DOCK1: variants seen among roughly 807,000 people sequenced by gnomAD.
The protein encoded by DOCK1 is dedicator of cytokinesis 1, also known as dedicator of cytokinesis protein 1.
In DOCK1, 138 loss-of-function variants were observed where a neutral mutation model predicts 262.7. That is an observed-to-expected ratio of 0.53 (90% confidence interval 0.46 to 0.61). DOCK1 has a LOEUF of 0.61. Among genes scored for constraint, DOCK1 ranks in the 20% least tolerant of loss-of-function variants. The pLI is 0.00. For missense variants in DOCK1, 1,908 were observed against 2,370.7 expected (o/e 0.80, Z 4.05); for synonymous variants, 866 against 867.4 (o/e 1.00, Z 0.03).
At chr10:127,440,597 G>T (rs1384265455) in intron 49 of DOCK1, among the ~76,000 whole-genome samples, 1 of 152,204 alleles carries the variant, frequency 6.6e-6, no homozygotes, top group Non-Finnish European at 1.5e-5. Context: ...ATACTGCACT[G>T]CTTGTTTATA....
At chr10:127,367,328 A>G (rs1215996379) in intron 33 of DOCK1, among the ~76,000 whole-genome samples, 2 of 152,074 alleles carry the variant, frequency 1.3e-5, no homozygotes, top group African/African-American at 4.8e-5. Flanking sequence ...TTCCTTCGGA[A>G]TAGGCTCAGC....
At chr10:127,345,958 C>T (rs2063615472) in intron 31 of DOCK1, among the ~76,000 whole-genome samples, 1 of 152,224 alleles carries the variant, frequency 6.6e-6, no homozygotes. Context: ...GCACAACGCA[C>T]TTCAACGCAC....
At position 127,175,391 on chromosome 10, in the gene DOCK1, A is replaced by C. The variant is rs1174920244; in HGVS notation, c.2847+47627A>C. On this transcript the variant is annotated intron_variant, in intron 27 of 51. Transcript: ENST00000623213. This position sits in a 1 kb window ranked among gnomAD's most constrained non-coding sequence, Gnocchi z 6.3. The stretch of plus-strand genomic sequence containing the variant: ...CACCTGCAGCAACCGCTGTGGGACT[A>C]GGCTGGTTCCCCAGCCCCGGCGGGG... The C allele has an allele frequency of 6.2e-7, 1 of 1,613,876 alleles. No individual in the cohort carries two copies. Among genetic ancestry groups the C allele is most frequent in the Admixed American group, 1.7e-5 (1 of 60,024 alleles).
At chr10:127,444,043 G>C in intron 49 of DOCK1, 83 bp from the exon 50 acceptor site, 2 of 1,515,696 alleles carry the variant, frequency 1.3e-6, no homozygotes. Flanking sequence ...TGGGGGTCAG[G>C]ACTTCAACAT....
intron 6 of DOCK1, among the ~76,000 whole-genome samples, chr10:126,992,460 A>G (rs1190483896): frequency 2.6e-5 from 4 of 152,190 alleles, no homozygotes; most frequent in Non-Finnish European, 5.9e-5. Context: ...CGCTCTGCAT[A>G]TATCTTCCTA....
Position 127,376,982 on chromosome 10 carries a change from A to G in DOCK1, c.3675+2768A>G, listed in dbSNP as rs1381978197. Among the ~76,000 whole-genome samples, 7 of 152,338 alleles carry G rather than the reference A, an allele frequency of 4.6e-5. No homozygotes were observed. In the East Asian group the frequency reaches 1.4e-3, roughly 29 times the overall value. On this transcript the variant is annotated intron_variant, in intron 35 of 51. Transcript: ENST00000623213. ...TAATTCAGAGCCAGACTCAGTGCCCACGTACTTTTACTGTGGTCAGCACTT... is the reference window on the plus strand; with the variant it reads ...TAATTCAGAGCCAGACTCAGTGCCCGCGTACTTTTACTGTGGTCAGCACTT...
rs2030552288 is a variant in DOCK1 at position 126,905,498 on chromosome 10, G to A, written c.-20G>A. The A allele has an allele frequency of 1.9e-6, 1 of 535,584 alleles. No individual in the cohort carries two copies. The highest frequency in any genetic ancestry group is 2.2e-5 in the South Asian group (1 of 45,294). The allele number at this position is 535,584 out of a possible 1,614,324, so 33.2% of individuals were successfully genotyped here. A position where few individuals can be genotyped will look rare whatever the true frequency, so the allele number is the denominator to read the frequency against. ...AGACGCGGAGTTTCCTGCCCGACCC[G>A]CGGCGGCTCCGGCGGCGCCATGACG... On this transcript the variant is annotated 5_prime_UTR_variant, in exon 1 of 52. Transcript: ENST00000623213.
intron 38 of DOCK1, among the ~76,000 whole-genome samples, chr10:127,388,922 A>G (rs988183715): frequency 1.3e-5 from 2 of 152,242 alleles, no homozygotes; most frequent in African/African-American, 4.8e-5. Context: ...AAGTTCATCT[A>G]GAAATCCCCT....
At chr10:127,252,198 C>T (rs1329319424) in intron 28 of DOCK1, among the ~76,000 whole-genome samples, 2 of 134,370 alleles carry the variant, frequency 1.5e-5, no homozygotes, top group African/African-American at 2.5e-5. Context: ...TGAGAAGTGT[C>T]TGTTCATGTC....
At chr10:127,206,350 G>T (rs2057723279) in intron 27 of DOCK1, among the ~76,000 whole-genome samples, 1 of 151,996 alleles carries the variant, frequency 6.6e-6, no homozygotes, top group South Asian at 2.1e-4. Flanking sequence ...TGCCATGTTG[G>T]CCAGGCTGGT....
intron 1 of DOCK1, among the ~76,000 whole-genome samples, chr10:126,931,892 G>C (rs2034218071): frequency 6.6e-6 from 1 of 152,146 alleles, no homozygotes; most frequent in South Asian, 2.1e-4. Flanking sequence ...TATTAGCCCA[G>C]CCAGCTCAAA....
chr10:127,330,810 A>G (rs2062944333), intron 29 of DOCK1, among the ~76,000 whole-genome samples: 1 of 152,216 alleles, frequency 6.6e-6, no homozygotes, highest in Non-Finnish European at 1.5e-5. Context: ...CATGAATATT[A>G]ATGAAGGAGA....
At chr10:127,218,255 T>G (rs1589990281) in intron 27 of DOCK1, among the ~76,000 whole-genome samples, 1 of 152,360 alleles carries the variant, frequency 6.6e-6, no homozygotes, top group Non-Finnish European at 1.5e-5. Flanking sequence ...TGTTGTTTTA[T>G]CTAAACAGAA....
intron 29 of DOCK1, among the ~76,000 whole-genome samples, chr10:127,286,458 A>G (rs1371338394): frequency 1.3e-5 from 2 of 152,106 alleles, no homozygotes; most frequent in African/African-American, 4.8e-5. Flanking sequence ...TTTATTATCA[A>G]AACTTTCATA....
chr10:127,144,178 A>G (rs894852671), intron 27 of DOCK1, among the ~76,000 whole-genome samples: 2 of 152,076 alleles, frequency 1.3e-5, no homozygotes, highest in African/African-American at 4.8e-5. Flanking sequence ...CTCCCTCTCC[A>G]GTTACCAGAG....
At chr10:127,211,644 C>G (rs185944969) in intron 27 of DOCK1, among the ~76,000 whole-genome samples, 2 of 152,278 alleles carry the variant, frequency 1.3e-5, no homozygotes, top group Admixed American at 1.3e-4. Context: ...AATTATGGAT[C>G]AGATAATTGG....
chr10:127,244,709 C>T (rs185801146), intron 27 of DOCK1, among the ~76,000 whole-genome samples: 1 of 152,168 alleles, frequency 6.6e-6, no homozygotes, highest in African/African-American at 2.4e-5. Context: ...ACTTCTGTGG[C>T]CCCATTTTGC....
chr10:127,072,222 G>C (rs549332562), intron 23 of DOCK1, among the ~76,000 whole-genome samples: 1 of 152,270 alleles, frequency 6.6e-6, no homozygotes, highest in South Asian at 2.1e-4. Flanking sequence ...CCTCATTGTT[G>C]AGTTATGTAT....
At chr10:126,972,678 C>T (rs916761701) in intron 2 of DOCK1, among the ~76,000 whole-genome samples, 15 of 151,964 alleles carry the variant, frequency 9.9e-5, no homozygotes, top group Non-Finnish European at 1.9e-4. Context: ...GCTTCCTGCT[C>T]GAGGCAAACT....
Sources: gnomAD v4.1 joint callset for allele counts (sites outside exome capture counted in the v4.1 genomes callset) on GRCh38, gnomAD v4.1.1 for gene constraint, Gnocchi (gnomAD v3.1) non-coding constraint, MANE v1.5 for transcripts, NCBI Gene and HGNC (gene_info 2026-07-23, HGNC 2026-07-21) for gene names.